GRK5: variants seen among roughly 807,000 people sequenced by gnomAD.
GRK5 encodes G protein-coupled receptor kinase 5, also known as g protein-coupled receptor kinase GRK5.
In GRK5, 40 loss-of-function variants were observed where a neutral mutation model predicts 78.4. The ratio of observed to expected loss-of-function variants is 0.51; its 90% CI spans 0.40 to 0.66. The LOEUF is 0.66. Among genes scored for constraint, GRK5 ranks in the 30% least tolerant of loss-of-function variants. The probability of loss-of-function intolerance (pLI) is 0.00; values close to 1 mark genes in which losing one functional copy is unlikely to be tolerated. For missense variants in GRK5, 598 were observed against 759.9 expected (o/e 0.79, Z 2.50); for synonymous variants, 289 against 296.8 (o/e 0.97, Z 0.27).
intron 2 of GRK5, among the ~76,000 whole-genome samples, chr10:119,335,744 G>T (rs1034160858): frequency 6.6e-5 from 10 of 152,240 alleles, no homozygotes; most frequent in African/African-American, 2.4e-4. Context: ...TGCAGTCACC[G>T]GACTTGTGTC....
chr10:119,397,304 G>A (rs774878752), intron 4 of GRK5, among the ~76,000 whole-genome samples: 7 of 152,184 alleles, frequency 4.6e-5, no homozygotes, highest in African/African-American at 7.2e-5. Context: ...TTGAAGCATC[G>A]GGGTACCATT....
intron 2 of GRK5, among the ~76,000 whole-genome samples, chr10:119,368,347 G>A (rs1039856262): frequency 9.9e-5 from 15 of 152,210 alleles, no homozygotes; most frequent in African/African-American, 3.1e-4. Flanking sequence ...TGCTCCAGCC[G>A]TATTGCCACG....
At chr10:119,345,860 A>G (rs1220695467) in intron 2 of GRK5, among the ~76,000 whole-genome samples, 23 of 150,674 alleles carry the variant, frequency 1.5e-4, no homozygotes, top group Non-Finnish European at 2.9e-4. Context: ...ACCTCTCTGA[A>G]CTGCATAAAC....
intron 1 of GRK5, among the ~76,000 whole-genome samples, chr10:119,317,891 G>A (rs1410837949): frequency 3.3e-5 from 5 of 152,088 alleles, no homozygotes; most frequent in African/African-American, 1.2e-4. Context: ...TTGACTTACA[G>A]CAGTGGTTCT....
chr10:119,234,258 G>A (rs1213942476), intron 1 of GRK5, among the ~76,000 whole-genome samples: 1 of 152,230 alleles, frequency 6.6e-6, no homozygotes, highest in Non-Finnish European at 1.5e-5. Flanking sequence ...CACAGTTGTT[G>A]ATGGAAGAGC....
At chr10:119,234,158 C>T (rs1305971559) in intron 1 of GRK5, among the ~76,000 whole-genome samples, 2 of 152,216 alleles carry the variant, frequency 1.3e-5, no homozygotes, top group Non-Finnish European at 2.9e-5. Context: ...AACCTCCTTA[C>T]AGCCTCCCTC....
At chr10:119,328,763 C>G (rs955828575) in intron 2 of GRK5, among the ~76,000 whole-genome samples, 1 of 152,238 alleles carries the variant, frequency 6.6e-6, no homozygotes, top group African/African-American at 2.4e-5. Flanking sequence ...CGGGCACCTG[C>G]GCACAGCCAC....
At chr10:119,437,919 G>A (rs1226465914) in intron 9 of GRK5, among the ~76,000 whole-genome samples, 3 of 152,148 alleles carry the variant, frequency 2.0e-5, no homozygotes, top group South Asian at 2.1e-4. Flanking sequence ...CCAACGTGGT[G>A]AAACCCTGTC....
chr10:119,407,418 T>A (rs185186543), intron 4 of GRK5, among the ~76,000 whole-genome samples: 123 of 152,370 alleles, frequency 8.1e-4, no homozygotes, highest in African/African-American at 2.7e-3. Context: ...CAGCTGGGTT[T>A]CAATTCCTCT....
At chr10:119,270,442 A>G (rs1849566839) in intron 1 of GRK5, among the ~76,000 whole-genome samples, 1 of 152,272 alleles carries the variant, frequency 6.6e-6, no homozygotes, top group Non-Finnish European at 1.5e-5. Context: ...ATTAGGTATT[A>G]GAAGTAATCT....
chr10:119,358,326 C>A (rs1033531396), intron 2 of GRK5, among the ~76,000 whole-genome samples: 6 of 152,116 alleles, frequency 3.9e-5, no homozygotes, highest in Admixed American at 3.9e-4. Flanking sequence ...TGATTATGCC[C>A]GGGGTGTAGC....
intron 1 of GRK5, among the ~76,000 whole-genome samples, chr10:119,233,552 C>T (rs1848866047): frequency 6.6e-6 from 1 of 152,144 alleles, no homozygotes; most frequent in African/African-American, 2.4e-5. Context: ...TGCATTGTTT[C>T]ATTTTGGTGT....
intron 13 of GRK5, 87 bp downstream of exon 13, chr10:119,448,347 A>G: frequency 7.0e-7 from 1 of 1,425,948 alleles, no homozygotes; most frequent in Non-Finnish European, 9.5e-7. Context: ...GAGCTGGTGC[A>G]GAGTGTGGGG....
intron 3 of GRK5, among the ~76,000 whole-genome samples, chr10:119,392,393 G>C (rs1317039814): frequency 6.6e-5 from 10 of 152,162 alleles, no homozygotes; most frequent in Admixed American, 6.5e-4. Flanking sequence ...ATTGTCATGG[G>C]TGCTCCCTGG....
chr10:119,429,131 T>C (rs1181843418), intron 6 of GRK5, among the ~76,000 whole-genome samples: 1 of 152,168 alleles, frequency 6.6e-6, no homozygotes, highest in Non-Finnish European at 1.5e-5. Context: ...GCAGCTCTGC[T>C]TCGGTGGGGT....
At chr10:119,277,864 C>T (rs1192629006) in intron 1 of GRK5, among the ~76,000 whole-genome samples, 1 of 152,156 alleles carries the variant, frequency 6.6e-6, no homozygotes, top group African/African-American at 2.4e-5. Context: ...TTCTCATGTG[C>T]CTTTACTTAC....
At chr10:119,245,897 G>T (rs879692482) in intron 1 of GRK5, among the ~76,000 whole-genome samples, 1 of 151,618 alleles carries the variant, frequency 6.6e-6, no homozygotes, top group Non-Finnish European at 1.5e-5. Flanking sequence ...GCGGGTGCCT[G>T]TAGTCCCAGC....
intron 4 of GRK5, among the ~76,000 whole-genome samples, chr10:119,402,087 G>A (rs1299350425): frequency 6.6e-6 from 1 of 152,310 alleles, no homozygotes; most frequent in South Asian, 2.1e-4. Flanking sequence ...TTAAGTGCTT[G>A]ACCCAGAAGC....
At chr10:119,415,098 A>AG (rs1413086947) in intron 4 of GRK5, among the ~76,000 whole-genome samples, 77 of 150,914 alleles carry the variant, frequency 5.1e-4, no homozygotes, top group African/African-American at 1.1e-3. Context: ...AAAAAAAAAA[A>AG]AAAAAGAAAA....
Sources: gnomAD v4.1 joint callset for allele counts (sites outside exome capture counted in the v4.1 genomes callset) on GRCh38, gnomAD v4.1.1 for gene constraint, MANE v1.5 for transcripts, NCBI Gene and HGNC (gene_info 2026-07-23, HGNC 2026-07-21) for gene names.